The following VPS39 variants were observed in gnomAD, a reference collection of about 807,000 sequenced individuals.
The protein encoded by VPS39 is VPS39 subunit of HOPS complex, also known as vam6/Vps39-like protein.
A neutral mutation model predicts 121.0 loss-of-function variants in VPS39; 70 were observed. That is an observed-to-expected ratio of 0.58 (90% CI 0.48 to 0.71). The LOEUF is 0.71. Ranked by LOEUF, VPS39 falls within the 30% of genes least tolerant of loss-of-function variation. The pLI is 0.00. For missense variants in VPS39, 818 were observed against 1,051.5 expected, an observed-to-expected ratio of 0.78 and a Z score of 3.07; for synonymous variants, 378 against 398.1, an observed-to-expected ratio of 0.95 and a Z score of 0.60.
intron 2 of VPS39, chr15:42,192,180 C>T: frequency 7.2e-7 from 1 of 1,383,488 alleles, no homozygotes; most frequent in Non-Finnish European, 9.9e-7. Flanking sequence ...AAATATTCAG[C>T]CTCAAAAGTC....
intron 24 of VPS39, chr15:42,161,465 G>A (rs976202570): frequency 1.5e-6 from 1 of 675,050 alleles, no homozygotes; most frequent in African/African-American, 1.8e-5. Flanking sequence ...GAATCCAACA[G>A]CTCCATACCA....
chr15:42,180,070 G>A (rs138755941), intron 8 of VPS39, among the ~76,000 whole-genome samples: 147 of 152,120 alleles, frequency 9.7e-4, no homozygotes, highest in Non-Finnish European at 1.9e-3. Flanking sequence ...CCCTGATCTG[G>A]GACTTCCAAG....
chr15:42,189,728 C>CAA (rs35437812), intron 4 of VPS39, among the ~76,000 whole-genome samples: 52,654 of 71,778 alleles, frequency 0.73, 21,270 homozygotes, highest in Non-Finnish European at 0.86. Context: ...GACTCCGTCT[C>CAA]AAAAAAAAAA....
intron 1 of VPS39, among the ~76,000 whole-genome samples, chr15:42,200,353 A>T (rs2050041923): frequency 6.6e-6 from 1 of 151,976 alleles, no homozygotes; most frequent in African/African-American, 2.4e-5. Context: ...ATATATTTTT[A>T]AATTCTGCTA....
chr15:42,183,987 A>G (rs752699900), intron 8 of VPS39, among the ~76,000 whole-genome samples: 20 of 149,522 alleles, frequency 1.3e-4, no homozygotes, highest in South Asian at 2.1e-4. Flanking sequence ...TAAGAACAGA[A>G]GCACCTAATG....
intron 2 of VPS39, 80 bp downstream of exon 2, chr15:42,199,816 G>A: frequency 1.4e-6 from 2 of 1,438,874 alleles, no homozygotes; most frequent in Admixed American, 4.8e-5. Context: ...TCTTTTAATG[G>A]TCCAGGAATA....
At chr15:42,182,419 A>G (rs1466101204) in intron 8 of VPS39, among the ~76,000 whole-genome samples, 1 of 152,238 alleles carries the variant, frequency 6.6e-6, no homozygotes, top group Non-Finnish European at 1.5e-5. Context: ...TTTGTTGACA[A>G]TAGAGATGGT....
rs1051684230 is a variant in VPS39 at position 42,178,204 on chromosome 15, G to A, written c.960+14C>T. 5.6e-6 allele frequency: 9 copies of A among 1,614,056 alleles called. No individual in the cohort carries two copies. The highest frequency in any genetic ancestry group is 7.6e-6 in the Non-Finnish European group (9 of 1,179,998). On this transcript the variant is annotated intron_variant, in intron 10 of 24. Coordinates refer to ENST00000318006, the MANE Select transcript of VPS39 (RefSeq NM_015289.5). ...AACAATAAGGAAGGAAGACTAGTCA[G>A]GAACAAGACTTACTGCGAGCTGCAG... is the stretch of plus-strand genomic sequence containing the variant.
At chr15:42,185,708 T>G (rs1038896486) in intron 7 of VPS39, among the ~76,000 whole-genome samples, 1 of 152,134 alleles carries the variant, frequency 6.6e-6, no homozygotes, top group East Asian at 1.9e-4. Context: ...GAAGAACAGA[T>G]GAGTGGTTAC....
chr15:42,207,817 C>T (rs1231953338), intron 1 of VPS39, among the ~76,000 whole-genome samples: 1 of 152,212 alleles, frequency 6.6e-6, no homozygotes, highest in Non-Finnish European at 1.5e-5. Flanking sequence ...AAAAGGAAAG[C>T]TCATCCTCCC....
chr15:42,191,963 C>G, intron 2 of VPS39: 2 of 1,385,238 alleles, frequency 1.4e-6, no homozygotes, highest in African/African-American at 2.9e-5. Context: ...TCTAGACCAA[C>G]TAATTTCCAG....
chr15:42,191,054 C>T, intron 4 of VPS39, 71 bp downstream of exon 4: 1 of 1,532,570 alleles, frequency 6.5e-7, no homozygotes. Flanking sequence ...ATCAAATTAA[C>T]CATGAAAGGA....
At chr15:42,165,657 A>C in intron 17 of VPS39, 61 bp downstream of exon 17, 1 of 1,357,446 alleles carries the variant, frequency 7.4e-7, no homozygotes, top group South Asian at 1.2e-5. Flanking sequence ...CCGATAACAG[A>C]ACCACGCAGT....
At position 42,178,550 on chromosome 15, in the gene VPS39, T is replaced by C. The variant is rs763860933; in HGVS notation, c.739A>G (p.Ile247Val). The C allele has an allele frequency of 1.9e-6, 3 of 1,614,062 alleles. No individual in the cohort carries two copies. Among genetic ancestry groups the C allele is most frequent in the African/African-American group, 1.3e-5 (1 of 75,008 alleles). ...VAMEHQPPYI[I>V]AVLPRYVEIR... ...TCAACATATCGAGGCAACACTGCAA[T>C]GATGTAGGGAGGCTGGTGCTCTGTG... Residue 247 changes from isoleucine (I) to valine (V), a missense_variant, in exon 9 of 25, where the codon ATT becomes GTT. Physicochemically the swap from Ile to Val is conservative, Grantham distance 29. Transcript: ENST00000318006.
At chr15:42,185,291 G>A (rs1409401745) in intron 7 of VPS39, among the ~76,000 whole-genome samples, 1 of 149,568 alleles carries the variant, frequency 6.7e-6, no homozygotes, top group Non-Finnish European at 1.5e-5. Context: ...CAATCCTCCT[G>A]CCTCAGCCTC....
intron 6 of VPS39, 44 bp from the exon 7 acceptor site, chr15:42,187,407 T>TA: frequency 2.0e-6 from 3 of 1,535,448 alleles, no homozygotes; most frequent in East Asian, 2.3e-5. Flanking sequence ...AATATTTTTT[T>TA]AAAAAATCAT....
At chr15:42,175,455 T>C (rs1358661429) in intron 10 of VPS39, among the ~76,000 whole-genome samples, 3 of 151,666 alleles carry the variant, frequency 2.0e-5, no homozygotes, top group African/African-American at 4.8e-5. Context: ...CCATCTGGCA[T>C]AGCTGGCACG....
At chr15:42,161,556 G>A in intron 24 of VPS39, 126 bp downstream of exon 24, 2 of 988,190 alleles carry the variant, frequency 2.0e-6, no homozygotes. Flanking sequence ...AGAACTAAAA[G>A]TTGTCAGGAC....
chr15:42,190,567 A>T (rs1232635356), intron 4 of VPS39, among the ~76,000 whole-genome samples: 1 of 152,074 alleles, frequency 6.6e-6, no homozygotes, highest in Non-Finnish European at 1.5e-5. Flanking sequence ...TCCACCACAT[A>T]TCCTTAGTCT....
Sources: allele counts gnomAD v4.1 joint callset (sites outside exome capture counted in the v4.1 genomes callset), GRCh38; gene constraint gnomAD v4.1.1; transcripts MANE v1.5; gene names NCBI Gene and HGNC (gene_info 2026-07-23, HGNC 2026-07-21).